The following ODAD4 variants were observed in gnomAD, a reference collection of about 807,000 sequenced individuals.
The protein encoded by ODAD4 is outer dynein arm docking complex subunit 4, also known as outer dynein arm-docking complex subunit 4.
Under a neutral mutation model 51.8 loss-of-function variants are expected in ODAD4, and 49 were observed. The observed-to-expected ratio is 0.95, with a 90% confidence interval of 0.75 to 1.20. The LOEUF (loss-of-function observed/expected upper bound fraction) is 1.20. Among genes scored for constraint, ODAD4 ranks in the 50% most tolerant of loss-of-function variants. ODAD4 has a pLI of 0.00. For synonymous variants in ODAD4, 235 were observed against 221.3 expected (o/e 1.06, Z -0.55); for missense variants, 590 against 586.5 (o/e 1.01, Z -0.06).
intron 8 of ODAD4, among the ~76,000 whole-genome samples, chr17:41,946,559 A>C (rs559710700): frequency 3.8e-4 from 58 of 152,358 alleles, no homozygotes; most frequent in African/African-American, 1.3e-3. Context: ...TCCTGACCTC[A>C]GGTGATTCAC....
intron 1 of ODAD4, among the ~76,000 whole-genome samples, chr17:41,933,775 C>G (rs1390937357): frequency 6.6e-6 from 1 of 151,428 alleles, no homozygotes; most frequent in Non-Finnish European, 1.5e-5. Context: ...GATCGTGCCA[C>G]TGCACTCCAG....
At chr17:41,961,231 A>T in intron 10 of ODAD4, 151 bp from the exon 11 acceptor site, 1 of 596,760 alleles carries the variant, frequency 1.7e-6, no homozygotes, top group East Asian at 2.8e-5. Context: ...AGTGTAGATT[A>T]ACCTGAGGGT....
intron 9 of ODAD4, chr17:41,954,933 T>G: frequency 2.2e-6 from 1 of 455,666 alleles, no homozygotes; most frequent in East Asian, 4.9e-5. Context: ...TCTGGAGACA[T>G]ATGATGTATG....
At chr17:41,952,633 C>T (rs782382477) in intron 9 of ODAD4, 5 of 512,278 alleles carry the variant, frequency 9.8e-6, no homozygotes, top group South Asian at 7.1e-5. Context: ...GACTCTTCTG[C>T]AGACCTTTAA....
At position 41,965,450 on chromosome 17, in the gene ODAD4, A is replaced by T. The variant is rs541094500; in HGVS notation, c.1986A>T (p.Lys662Asn). The T allele has an allele frequency of 1.3e-6, 1 of 773,590 alleles. No individual in the cohort carries two copies. The highest frequency in any genetic ancestry group is 1.4e-5 in the South Asian group (1 of 72,742). The allele number at this position is 773,590 out of a possible 1,614,324, so 47.9% of individuals were successfully genotyped here. The change falls in exon 12 of 12, where the codon AAA (lysine) becomes AAT (asparagine). Residue 662 changes from lysine to asparagine, a missense_variant. Around this residue, in one of 3 missense-constraint regions of ODAD4, gnomAD observed 226 missense variants for 162.7 expected, o/e 1.39. Transcript: ENST00000377540. ...TQFGEIGETK[K>N]TGNEMEKEYE ...TTGGAGAAATAGGAGAAACGAAAAAAACAGGAAATGAGATGGAAAAGGAAT... is the reference window on the plus strand; with the variant it reads ...TTGGAGAAATAGGAGAAACGAAAAATACAGGAAATGAGATGGAAAAGGAAT...
At position 41,944,444 on chromosome 17, in the gene ODAD4, A is replaced by ACACACACACACCC. The variant is rs1191101800; in HGVS notation, c.1059-691_1059-690insACACACACACCCC. 5.8e-3 allele frequency among the ~76,000 whole-genome samples: 114 copies of ACACACACACACCC among 19,488 alleles called. 1 individual carries two copies. Among genetic ancestry groups the ACACACACACACCC allele is most frequent in the East Asian group, 9.7e-3 (3 of 308 alleles). 12.8% of individuals were successfully genotyped at this position (19,488 alleles called of 152,430 possible). ...CACACACACACACACACACACACAC[A>ACACACACACACCC]CCCCCCCGCATACACAGAAATTGCC... is the stretch of plus-strand genomic sequence containing the variant. On this transcript the variant is annotated intron_variant, in intron 7 of 11. Coordinates refer to ENST00000377540, the MANE Select transcript of ODAD4 (RefSeq NM_031421.5).
chr17:41,944,444 A>ACACACACACACC (rs1191101800), intron 7 of ODAD4, among the ~76,000 whole-genome samples: 134 of 19,474 alleles, frequency 6.9e-3, no homozygotes, highest in Middle Eastern at 0.031. Flanking sequence ...ACACACACAC[A>ACACACACACACC]CCCCCCCGCA....
chr17:41,949,713 C>G (rs1476007833), intron 9 of ODAD4, among the ~76,000 whole-genome samples: 1 of 152,100 alleles, frequency 6.6e-6, no homozygotes, highest in African/African-American at 2.4e-5. Flanking sequence ...GCTTTTGTTG[C>G]CCAGGCTGGA....
Position 41,935,600 on chromosome 17 carries a change from G to A in ODAD4, c.248G>A (p.Gly83Glu), listed in dbSNP as rs1555637640. The change falls in exon 3 of 12, where the codon GGG becomes GAG. Residue 83 changes from glycine to glutamate, a missense_variant and splice_region_variant. By Grantham distance (98) the Gly-to-Glu change is moderately conservative. Transcript: ENST00000377540. ...TGATTTGATTTCCTCCCATTCCAGG[G>A]GATTTTGCAAAAGGCTGAGACACTG... ...SLQSDPAFCK[G>E]ILQKAETLYT... The A allele has an allele frequency of 1.9e-6, 3 of 1,611,370 alleles. No individual in the cohort carries two copies. Among genetic ancestry groups the A allele is most frequent in the Non-Finnish European group, 2.5e-6 (3 of 1,178,668 alleles).
At chr17:41,938,520 G>C (rs1282162113) in intron 5 of ODAD4, 37 bp from the exon 6 acceptor site, 1 of 1,576,652 alleles carries the variant, frequency 6.3e-7, no homozygotes. Context: ...TTAGAGGCCT[G>C]TTCTCCTTGG....
At chr17:41,946,063 TG>T (rs1189187919) in intron 8 of ODAD4, among the ~76,000 whole-genome samples, 3 of 152,236 alleles carry the variant, frequency 2.0e-5, no homozygotes, top group Non-Finnish European at 2.9e-5. Flanking sequence ...GCTGCCCATA[TG>T]TGCAGTGCCC....
chr17:41,961,249 A>T lies in ODAD4; in HGVS notation c.1444-133A>T, dbSNP rs1156682259. On this transcript the variant is annotated intron_variant, in intron 10 of 11. Coordinates refer to ENST00000377540, the MANE Select transcript of ODAD4 (RefSeq NM_031421.5). ...GTAGATTAACCTGAGGGTAGGGGTC[A>T]TTGGAGGGGCCAGAGGGAAACCAAG... 6.5e-6 allele frequency: 4 copies of T among 617,456 alleles called. No individual in the cohort carries two copies. The African/African-American group carries it at 7.4e-5, about 11-fold the overall frequency. 38.2% of individuals were successfully genotyped at this position (617,456 alleles called of 1,614,324 possible). A position where few individuals can be genotyped will look rare whatever the true frequency, so the allele number is the denominator to read the frequency against.
chr17:41,945,957 T>C (rs370096474), intron 8 of ODAD4, among the ~76,000 whole-genome samples: 16 of 152,148 alleles, frequency 1.1e-4, no homozygotes, highest in African/African-American at 3.6e-4. Flanking sequence ...GAGACCCAAG[T>C]GGGCACTGAG....
intron 3 of ODAD4, 132 bp from the exon 4 acceptor site, chr17:41,936,341 G>C (rs2050426180): frequency 6.0e-6 from 4 of 670,890 alleles, no homozygotes; most frequent in Non-Finnish European, 1.1e-5. Context: ...TGCCTGCTAG[G>C]CTGGCTTAGG....
chr17:41,935,102 A>G (rs2050405784), intron 1 of ODAD4, 115 bp from the exon 2 acceptor site: 1 of 1,270,114 alleles, frequency 7.9e-7, no homozygotes, highest in African/African-American at 1.5e-5. Flanking sequence ...CAGAGCCTTG[A>G]TTTCTTCAGA....
chr17:41,960,977 C>T (rs1022275570), intron 10 of ODAD4, among the ~76,000 whole-genome samples: 12 of 152,210 alleles, frequency 7.9e-5, no homozygotes, highest in African/African-American at 2.9e-4. Context: ...AGGCCAGCCC[C>T]CAGCCTGTCC....
intron 9 of ODAD4, among the ~76,000 whole-genome samples, chr17:41,949,976 G>A (rs1262681373): frequency 2.0e-5 from 3 of 150,374 alleles, no homozygotes; most frequent in Non-Finnish European, 3.0e-5. Flanking sequence ...GCCCGGCCCT[G>A]TTTTGTTTTT....
intron 7 of ODAD4, among the ~76,000 whole-genome samples, chr17:41,942,147 G>T (rs193098270): frequency 1.9e-3 from 288 of 152,286 alleles, no homozygotes; most frequent in African/African-American, 6.4e-3. Flanking sequence ...TGTTAGCCAG[G>T]CTAGTCTCTA....
intron 9 of ODAD4, among the ~76,000 whole-genome samples, chr17:41,954,246 C>G (rs1299348707): frequency 6.6e-6 from 1 of 152,062 alleles, no homozygotes; most frequent in Non-Finnish European, 1.5e-5. Flanking sequence ...CTTGGCCTCC[C>G]AAAGTGCTGG....
Sources: allele counts gnomAD v4.1 joint callset (sites outside exome capture counted in the v4.1 genomes callset), GRCh38; gene constraint gnomAD v4.1.1; regional missense constraint gnomAD v4.1.1; transcripts MANE v1.5; gene names NCBI Gene and HGNC (gene_info 2026-07-23, HGNC 2026-07-21).